TRIM7: variants seen among roughly 807,000 people sequenced by gnomAD.
TRIM7 encodes E3 ubiquitin-protein ligase TRIM7.
In TRIM7, 32 loss-of-function variants were observed where a neutral mutation model predicts 37.9. The observed-to-expected ratio is 0.84, with a 90% confidence interval of 0.64 to 1.13. TRIM7 has a LOEUF of 1.13. Among genes scored for constraint, TRIM7 ranks in the 50% most tolerant of loss-of-function variants. The pLI, the probability that TRIM7 is intolerant of heterozygous loss-of-function variation, is 0.00. For synonymous variants in TRIM7, 351 were observed against 321.3 expected, an observed-to-expected ratio of 1.09 and a Z score of -0.99; for missense variants, 732 against 714.0, an observed-to-expected ratio of 1.03 and a Z score of -0.29.
chr5:181,199,765 AC>A (rs547222324), intron 3 of TRIM7, 85 bp downstream of exon 3: 3 of 1,472,414 alleles, frequency 2.0e-6, no homozygotes, highest in Admixed American at 4.9e-5. Flanking sequence ...ATTCTCCTAG[AC>A]CCCCCAGGAC....
intron 2 of TRIM7, among the ~76,000 whole-genome samples, chr5:181,201,439 C>T (rs1310206997): frequency 2.6e-5 from 4 of 152,102 alleles, no homozygotes; most frequent in Non-Finnish European, 5.9e-5. Flanking sequence ...GTCATAAATC[C>T]AGAAGTATTT....
At position 181,200,075 on chromosome 5, in the gene TRIM7, T is replaced by C. The variant is rs1757382103; in HGVS notation, c.625A>G (p.Met209Val). Residue 209 changes from methionine to valine, a missense_variant, in exon 3 of 7, where the codon ATG becomes GTG. Coordinates refer to ENST00000274773, the MANE Select transcript of TRIM7 (RefSeq NM_203293.3). ...CCCACCTTCTCCTGCTCCGCTGCCA[T>C]CTGTTTCTGTCCCAGGAGGAGAAGT... Reference protein sequence around the residue: ...KKESKELLKQMAAEQEKVGAE... With the variant: ...KKESKELLKQVAAEQEKVGAE... The C allele has an allele frequency of 6.2e-7, 1 of 1,614,100 alleles. No homozygotes were observed. The highest frequency in any genetic ancestry group is 8.5e-7 in the Non-Finnish European group (1 of 1,180,056).
intron 6 of TRIM7, chr5:181,197,392 G>T (rs1757194160): frequency 6.6e-6 from 1 of 152,478 alleles, no homozygotes; most frequent in African/African-American, 2.4e-5. Flanking sequence ...CAGATATAAA[G>T]AAGGCAAAGA....
intron 2 of TRIM7, chr5:181,202,178 CTTTTTT>C (rs71593427): frequency 2.3e-5 from 3 of 131,876 alleles, no homozygotes; most frequent in Non-Finnish European, 3.2e-5. Context: ...TCCTTTCATT[CTTTTTT>C]TTTTTTTTTT....
At chr5:181,200,368 C>G (rs1027534414) in intron 2 of TRIM7, 1 of 1,395,246 alleles carries the variant, frequency 7.2e-7, no homozygotes, top group East Asian at 2.7e-5. Flanking sequence ...CCCCCCAGAA[C>G]TACGCCAAGC....
chr5:181,197,268 G>A (rs1757186612), intron 6 of TRIM7: 1 of 152,366 alleles, frequency 6.6e-6, no homozygotes, highest in Admixed American at 6.5e-5. Context: ...CTTCCCACAG[G>A]GAGAGGATTG....
At chr5:181,204,391 G>T (rs1293823746) in intron 1 of TRIM7, 198 bp downstream of exon 1, 9 of 1,200,302 alleles carry the variant, frequency 7.5e-6, no homozygotes, top group Non-Finnish European at 9.4e-6. Context: ...TGGGGTGGGG[G>T]TATTGGTGAT....
chr5:181,203,257 G>C (rs1345555775), intron 2 of TRIM7: 1 of 1,254,762 alleles, frequency 8.0e-7, no homozygotes, highest in Non-Finnish European at 1.0e-6. Flanking sequence ...GGCCCTAACT[G>C]GTATGTTACG....
rs1473982629 is a variant in TRIM7 at position 181,204,605 on chromosome 5, G to T, written c.506C>A (p.Ala169Glu). 5 of 1,450,066 alleles carry T rather than the reference G, an allele frequency of 3.4e-6. No homozygotes were observed. Among genetic ancestry groups the T allele is most frequent in the Admixed American group, 2.6e-5 (1 of 38,542 alleles). 89.8% of individuals were successfully genotyped at this position (1,450,066 alleles called of 1,614,324 possible). ...TGCGCTCACCTTGGCCTCCTGCACCGCCTCGTCCAGCGGCAGCACGGCGTG... is the reference window on the plus strand; with the variant it reads ...TGCGCTCACCTTGGCCTCCTGCACCTCCTCGTCCAGCGGCAGCACGGCGTG... ...REHAVLPLDE[A>E]VQEAKELLES... The change falls in exon 1 of 7, where the codon GCG becomes GAG. Residue 169 changes from alanine (A) to glutamate (E), a missense_variant. By Grantham distance (107) the Ala-to-Glu change is moderately radical. Coordinates refer to ENST00000274773, the MANE Select transcript of TRIM7 (RefSeq NM_203293.3).
At chr5:181,200,374 C>A (rs1273495365) in intron 2 of TRIM7, 1 of 1,386,624 alleles carries the variant, frequency 7.2e-7, no homozygotes, top group Non-Finnish European at 9.3e-7. Context: ...AGAACTACGC[C>A]AAGCTGCAGC....
chr5:181,195,913 C>A (rs254459), intron 6 of TRIM7: 63,637 of 455,968 alleles, frequency 0.14, 4,938 homozygotes, highest in South Asian at 0.21. Context: ...ATGTGTGGGC[C>A]TGGTTTGAAC....
chr5:181,198,628 G>A (rs192612658), intron 5 of TRIM7, 62 bp downstream of exon 5: 2 of 1,170,194 alleles, frequency 1.7e-6, no homozygotes, highest in East Asian at 4.7e-5. Flanking sequence ...GGACCCCTGA[G>A]CTACCAGGAA....
intron 6 of TRIM7, chr5:181,197,286 A>T (rs934155291): frequency 4.6e-4 from 70 of 152,402 alleles, no homozygotes; most frequent in African/African-American, 1.6e-3. Context: ...TTGAGGATAG[A>T]TTATAAACAG....
rs1757746771 is a variant in TRIM7 at position 181,205,113 on chromosome 5, G to A, written c.-3C>T. On this transcript the variant is annotated 5_prime_UTR_variant, in exon 1 of 7. Coordinates refer to ENST00000274773, the MANE Select transcript of TRIM7 (RefSeq NM_203293.3). ...GTCCGCGGTCCCACAGCCGCCATGCGCGCTCTCCGCGCACCCAGATCTGGT... is the reference window on the plus strand; with the variant it reads ...GTCCGCGGTCCCACAGCCGCCATGCACGCTCTCCGCGCACCCAGATCTGGT... 2 of 1,312,986 alleles carry A rather than the reference G, an allele frequency of 1.5e-6. No individual in the cohort carries two copies. Among genetic ancestry groups the A allele is most frequent in the South Asian group, 2.0e-5 (1 of 48,880 alleles). 81.3% of individuals were successfully genotyped at this position (1,312,986 alleles called of 1,614,324 possible).
intron 2 of TRIM7, among the ~76,000 whole-genome samples, chr5:181,201,352 C>T (rs751384329): frequency 5.3e-5 from 8 of 152,226 alleles, no homozygotes; most frequent in Non-Finnish European, 1.0e-4. Context: ...AGCATTCCTT[C>T]TCCCTTTTGT....
intron 2 of TRIM7, chr5:181,203,094 A>G (rs1361987658): frequency 4.2e-6 from 1 of 240,538 alleles, no homozygotes; most frequent in African/African-American, 2.3e-5. Context: ...CTCGATTTCA[A>G]ATAAAAACAC....
chr5:181,198,327 T>G, intron 5 of TRIM7, 109 bp from the exon 6 acceptor site: 4 of 1,201,264 alleles, frequency 3.3e-6, no homozygotes, highest in Non-Finnish European at 4.9e-6. Context: ...CAGAGACTCC[T>G]AAGGCCAAGA....
Position 181,194,387 on chromosome 5 carries a change from AAAAG to A in TRIM7, c.*775_*778del, listed in dbSNP as rs1442417886. ...GACCCAGTCTCTTAAAAGAAAATTA[AAAAG>A]AAAGAGTAAATAAAGTTCCAGAAGC... On this transcript the variant is annotated 3_prime_UTR_variant, in exon 7 of 7. Transcript: ENST00000274773. 6.6e-6 allele frequency: 1 copy of A among 152,330 alleles called. No homozygotes were observed. Among genetic ancestry groups the A allele is most frequent in the Admixed American group, 6.5e-5 (1 of 15,288 alleles). 9.4% of individuals were successfully genotyped at this position (152,330 alleles called of 1,614,324 possible). A position where few individuals can be genotyped will look rare whatever the true frequency, so the allele number is the denominator to read the frequency against.
At chr5:181,204,021 C>A in intron 1 of TRIM7, 1 of 1,015,912 alleles carries the variant, frequency 9.8e-7, no homozygotes, top group Non-Finnish European at 1.2e-6. Context: ...CCTGCACACA[C>A]CCTCGCTGAG....
Sources: allele counts gnomAD v4.1 joint callset (sites outside exome capture counted in the v4.1 genomes callset), GRCh38; gene constraint gnomAD v4.1.1; transcripts MANE v1.5; gene names NCBI Gene and HGNC (gene_info 2026-07-23, HGNC 2026-07-21).